Variants in COL28A1 observed in about 807,000 individuals in gnomAD.
The protein encoded by COL28A1 is collagen alpha-1(XXVIII) chain.
COL28A1 carries 161 observed loss-of-function variants against 150.2 expected under a neutral mutation model. The ratio of observed to expected loss-of-function variants is 1.07; its 90% CI spans 0.94 to 1.22. The LOEUF (loss-of-function observed/expected upper bound fraction) is 1.22. Among genes scored for constraint, COL28A1 ranks in the 50% most tolerant of loss-of-function variants. The pLI is 0.00. For missense variants in COL28A1, 1,617 were observed against 1,388.3 expected (o/e 1.16, Z -2.62); for synonymous variants, 552 against 469.7 (o/e 1.18, Z -2.26).
intron 11 of COL28A1, among the ~76,000 whole-genome samples, chr7:7,502,539 T>C (rs868398669): frequency 2.0e-5 from 3 of 152,202 alleles, no homozygotes; most frequent in African/African-American, 4.8e-5. Flanking sequence ...TGTAAATTCA[T>C]AGACATAGGC....
At chr7:7,433,909 T>C (rs1176737656) in intron 23 of COL28A1, among the ~76,000 whole-genome samples, 1 of 152,206 alleles carries the variant, frequency 6.6e-6, no homozygotes, top group African/African-American at 2.4e-5. Flanking sequence ...AGCAGGACTC[T>C]TAAGAACTTT....
intron 33 of COL28A1, among the ~76,000 whole-genome samples, chr7:7,365,926 A>C (rs1403331955): frequency 6.6e-6 from 1 of 152,090 alleles, no homozygotes; most frequent in African/African-American, 2.4e-5. Context: ...AAGGTTACTT[A>C]TTTGCATTTT....
chr7:7,531,473 TA>T lies in COL28A1; in HGVS notation c.555del (p.Phe185LeufsTer9). 6.2e-7 allele frequency: 1 copy of T among 1,601,620 alleles called. No individual in the cohort carries two copies. Among genetic ancestry groups the T allele is most frequent in the Non-Finnish European group, 8.6e-7 (1 of 1,168,710 alleles). Reference sequence around the variant, plus strand: ...ACTACCGTAGAAAGTGCAATGGTGATAAATGATATTCCTGAAATTCTGGCAT... The same window carrying T: ...ACTACCGTAGAAAGTGCAATGGTGATAATGATATTCCTGAAATTCTGGCAT... ...SEDARISGIS[F>X]ITIALSTVVN... On this transcript the variant is annotated frameshift_variant, in exon 3 of 35. Coordinates refer to ENST00000399429, the MANE Select transcript of COL28A1 (RefSeq NM_001037763.3). LOFTEE classifies it high-confidence loss of function.
the COL28A1 span, among the ~76,000 whole-genome samples, chr7:7,350,609 T>G: frequency 6.6e-6 from 1 of 151,956 alleles, no homozygotes; most frequent in Non-Finnish European, 1.5e-5. Flanking sequence ...GTTTTTGTTT[T>G]GTTTCATTTT....
intron 31 of COL28A1, 132 bp downstream of exon 31, chr7:7,375,329 A>G (rs1052832211): frequency 6.3e-6 from 5 of 794,000 alleles, no homozygotes; most frequent in African/African-American, 5.2e-5. Flanking sequence ...GTTTCCATCG[A>G]CTTTTCAAAT....
chr7:7,459,715 T>C (rs749721539), intron 15 of COL28A1, among the ~76,000 whole-genome samples: 6 of 152,144 alleles, frequency 3.9e-5, no homozygotes, highest in Non-Finnish European at 8.8e-5. Flanking sequence ...AGAAAACAAA[T>C]AGCCAGTGAG....
intron 27 of COL28A1, among the ~76,000 whole-genome samples, chr7:7,402,209 C>T (rs1032854886): frequency 3.3e-5 from 5 of 152,322 alleles, no homozygotes; most frequent in Middle Eastern, 3.4e-3. Context: ...TTAGTTCCAG[C>T]TCACAATTTC....
intron 15 of COL28A1, 112 bp downstream of exon 15, chr7:7,474,489 C>T: frequency 1.9e-6 from 1 of 535,506 alleles, no homozygotes; most frequent in South Asian, 3.7e-5. Context: ...TATAATTAAC[C>T]AGATACCTGT....
Position 7,369,565 on chromosome 7 carries a change from T to C in COL28A1, c.3066+1160A>G, listed in dbSNP as rs565268541. Among the ~76,000 whole-genome samples the C allele has an allele frequency of 2.0e-5, 3 of 152,362 alleles. No individual in the cohort carries two copies. The East Asian group carries it at 5.8e-4, about 29-fold the overall frequency. ...CAATCTGCAATTTAGTAGAATCTAT[T>C]GCCCTGACTGGAATTACCCATTTTG... is the stretch of plus-strand genomic sequence containing the variant. On this transcript the variant is annotated intron_variant, in intron 33 of 34. Coordinates refer to ENST00000399429, the MANE Select transcript of COL28A1 (RefSeq NM_001037763.3).
At chr7:7,521,268 C>A (rs563405150) in intron 5 of COL28A1, among the ~76,000 whole-genome samples, 2 of 152,276 alleles carry the variant, frequency 1.3e-5, no homozygotes, top group Admixed American at 6.5e-5. Context: ...ATTTCAAATG[C>A]CTTCCCAGTA....
intron 27 of COL28A1, among the ~76,000 whole-genome samples, chr7:7,384,757 G>A (rs1454140862): frequency 6.6e-6 from 1 of 152,120 alleles, no homozygotes; most frequent in Admixed American, 6.5e-5. Context: ...GGGAGCCCCA[G>A]AACCCTGGAT....
intron 12 of COL28A1, among the ~76,000 whole-genome samples, chr7:7,490,189 T>C (rs115048278): frequency 0.021 from 3,239 of 152,298 alleles, 104 homozygotes; most frequent in African/African-American, 0.074. Flanking sequence ...TTCATTGCCA[T>C]GGCCCTTCTG....
chr7:7,414,218 T>C (rs1409985149), intron 27 of COL28A1, among the ~76,000 whole-genome samples: 2 of 152,232 alleles, frequency 1.3e-5, no homozygotes, highest in Non-Finnish European at 2.9e-5. Context: ...TCCTTCTCCC[T>C]TCTGACTTAA....
intron 23 of COL28A1, 107 bp downstream of exon 23, chr7:7,436,284 TTTAG>T (rs1252304018): frequency 6.8e-6 from 5 of 739,724 alleles, no homozygotes; most frequent in East Asian, 2.6e-5. Flanking sequence ...ATTCTTACAT[TTTAG>T]TTAATCAATG....
the COL28A1 span, among the ~76,000 whole-genome samples, chr7:7,347,987 T>G: frequency 6.6e-6 from 1 of 152,070 alleles, no homozygotes; most frequent in East Asian, 1.9e-4. Flanking sequence ...AATGATTCTA[T>G]GAGGCATTAA....
intron 27 of COL28A1, among the ~76,000 whole-genome samples, chr7:7,391,746 T>C (rs1782552713): frequency 6.6e-6 from 1 of 152,180 alleles, no homozygotes; most frequent in South Asian, 2.1e-4. Flanking sequence ...TTTGTCTTTT[T>C]TGATCTTTGT....
At chr7:7,510,333 G>A (rs961860809) in intron 9 of COL28A1, among the ~76,000 whole-genome samples, 1 of 152,148 alleles carries the variant, frequency 6.6e-6, no homozygotes, top group Non-Finnish European at 1.5e-5. Context: ...CACCCAGGCT[G>A]GAGTGCAGTG....
intron 11 of COL28A1, among the ~76,000 whole-genome samples, chr7:7,491,946 T>C (rs1050127255): frequency 2.0e-5 from 3 of 152,248 alleles, no homozygotes; most frequent in Admixed American, 6.5e-5. Context: ...ATTAATACTA[T>C]AAAATTTCGG....
rs191605325 is a variant in COL28A1 at position 7,382,679 on chromosome 7, C to T, written c.2137-1067G>A. On this transcript the variant is annotated intron_variant, in intron 27 of 34. Coordinates refer to ENST00000399429, the MANE Select transcript of COL28A1 (RefSeq NM_001037763.3). ...TCTCTGGCAAAGGCTTGAAGGACCA[C>T]GGGCTCCTCGGGATTGATCTGTGGT... Among the ~76,000 whole-genome samples the T allele has an allele frequency of 3.1e-3, 479 of 152,246 alleles. 2 individuals carry two copies. The highest frequency in any genetic ancestry group is 5.6e-3 in the Non-Finnish European group (383 of 68,014).
Sources: gnomAD v4.1 joint callset for allele counts (sites outside exome capture counted in the v4.1 genomes callset) on GRCh38, gnomAD v4.1.1 for gene constraint, MANE v1.5 for transcripts, NCBI Gene and HGNC (gene_info 2026-07-23, HGNC 2026-07-21) for gene names.